COL22A1: variants seen among roughly 807,000 people sequenced by gnomAD.
The protein encoded by COL22A1 is collagen type XXII alpha 1 chain, also known as collagen alpha-1(XXII) chain.
COL22A1 carries 221 observed loss-of-function variants against 248.9 expected under a neutral mutation model. That is an observed-to-expected ratio of 0.89 (90% CI 0.80 to 0.99). The LOEUF is 0.99. Ranked by LOEUF, COL22A1 falls within the 50% of genes least tolerant of loss-of-function variation. The probability of loss-of-function intolerance (pLI) is 0.00; values close to 1 mark genes in which losing one functional copy is unlikely to be tolerated. For missense variants in COL22A1, 2,240 were observed against 2,179.0 expected (o/e 1.03, Z -0.56); for synonymous variants, 891 against 793.4 (o/e 1.12, Z -2.07).
chr8:138,610,314 G>A (rs1275454513), intron 56 of COL22A1, among the ~76,000 whole-genome samples: 1 of 152,196 alleles, frequency 6.6e-6, no homozygotes, highest in Non-Finnish European at 1.5e-5. Context: ...TTACCTCTGG[G>A]TGTCTGTAGA....
At position 138,724,674 on chromosome 8, in the gene COL22A1, A is replaced by G. The variant is rs1263909538; in HGVS notation, c.2194-6T>C. 4 of 1,613,880 alleles carry G rather than the reference A, an allele frequency of 2.5e-6. No homozygotes were observed. Among genetic ancestry groups the G allele is most frequent in the Non-Finnish European group, 8.5e-7 (1 of 1,179,832 alleles). On this transcript the variant is annotated splice_region_variant and splice_polypyrimidine_tract_variant and intron_variant, in intron 24 of 64. Transcript: ENST00000303045. The stretch of plus-strand genomic sequence containing the variant: ...CCGATCTCTCCAGGCAAACCCTGAA[A>G]GGGGACCACATGGACCCTGTTAGCC...
At chr8:138,752,313 T>C (rs1407755711) in intron 21 of COL22A1, among the ~76,000 whole-genome samples, 5 of 152,248 alleles carry the variant, frequency 3.3e-5, no homozygotes, top group Non-Finnish European at 5.9e-5. Flanking sequence ...AAATGCCCTC[T>C]CTGCATTTCA....
chr8:138,861,048 C>T (rs1033165142), intron 3 of COL22A1, among the ~76,000 whole-genome samples: 9 of 152,168 alleles, frequency 5.9e-5, no homozygotes, highest in African/African-American at 2.2e-4. Context: ...CTGCTGCCAT[C>T]ACCCCACTCC....
At chr8:138,712,067 A>G in intron 30 of COL22A1, among the ~76,000 whole-genome samples, 1 of 152,206 alleles carries the variant, frequency 6.6e-6, no homozygotes, top group East Asian at 1.9e-4. Context: ...AAGTCCCTAC[A>G]CAGACGGTGC....
chr8:138,776,083 T>C (rs1814431387), intron 15 of COL22A1, 73 bp from the exon 16 acceptor site: 1 of 1,475,774 alleles, frequency 6.8e-7, no homozygotes, highest in South Asian at 1.1e-5. Context: ...GGGGTGTCCA[T>C]GGAGAAACTG....
chr8:138,654,726 G>T (rs1441291453), intron 45 of COL22A1, among the ~76,000 whole-genome samples: 1 of 152,070 alleles, frequency 6.6e-6, no homozygotes, highest in Non-Finnish European at 1.5e-5. Context: ...CAACATTGAA[G>T]ACCCCAGGTC....
chr8:138,722,071 C>T lies in COL22A1; in HGVS notation c.2266G>A (p.Gly756Arg), dbSNP rs1038332194. Residue 756 changes from glycine to arginine, a missense_variant, in exon 26 of 65, where the codon GGG becomes AGG. By Grantham distance (125) the Gly-to-Arg change is moderately radical. Transcript: ENST00000303045. ...GGCGGACCTGGTGGTCCATTTGGCC[C>T]GTCCTTTCCAGGGGGTCCCTGGGCC... is the stretch of plus-strand genomic sequence containing the variant. Reference protein sequence around the residue: ...PGPTGPPGKDGPNGPPGPPGT... With the variant: ...PGPTGPPGKDRPNGPPGPPGT... The T allele has an allele frequency of 1.7e-5, 27 of 1,583,660 alleles. No individual in the cohort carries two copies. The highest frequency in any genetic ancestry group is 6.9e-5 in the South Asian group (6 of 86,484).
chr8:138,616,028 A>T lies in COL22A1; in HGVS notation c.3897T>A (p.Pro1299=). The part of the protein sequence containing the change: ...PRGESGAMGL[P]GQEGLPGKDG... Reference sequence around the variant, plus strand: ...CTTTTCCTGGTAACCCTTCCTGACCAGGAAGCCCCATGGCACCAGACTCTC... The same window carrying T: ...CTTTTCCTGGTAACCCTTCCTGACCTGGAAGCCCCATGGCACCAGACTCTC... Residue 1299 remains proline (P), a synonymous_variant, in exon 55 of 65, where the codon CCT becomes CCA. Coordinates refer to ENST00000303045, the MANE Select transcript of COL22A1 (RefSeq NM_152888.3). 6.2e-7 allele frequency: 1 copy of T among 1,613,664 alleles called. No homozygotes were observed.
At chr8:138,901,369 G>GTTTTTTTTTT (rs1396582556) in intron 1 of COL22A1, among the ~76,000 whole-genome samples, 3 of 118,770 alleles carry the variant, frequency 2.5e-5, no homozygotes, top group Non-Finnish European at 3.3e-5. Context: ...TTTTTTTTTT[G>GTTTTTTTTTT]TTTTTTTTTT....
intron 22 of COL22A1, among the ~76,000 whole-genome samples, chr8:138,742,108 G>T (rs1415970435): frequency 6.6e-6 from 1 of 150,612 alleles, no homozygotes; most frequent in African/African-American, 2.5e-5. Flanking sequence ...CCATGGTGAT[G>T]GTGATGGTGG....
At chr8:138,619,570 GCT>G in intron 52 of COL22A1, 62 bp from the exon 53 acceptor site, 1 of 1,499,370 alleles carries the variant, frequency 6.7e-7, no homozygotes, top group Non-Finnish European at 9.3e-7. Context: ...CCTATTCCTG[GCT>G]CTCTGTGTTT....
chr8:138,710,273 G>A lies in COL22A1; in HGVS notation c.2517+5409C>T, dbSNP rs564027940. Among the ~76,000 whole-genome samples, 2 of 152,310 alleles carry A rather than the reference G, an allele frequency of 1.3e-5. 1 individual carries two copies. Among genetic ancestry groups the A allele is most frequent in the South Asian group, 4.1e-4 (2 of 4,830 alleles). On this transcript the variant is annotated intron_variant, in intron 30 of 64. Transcript: ENST00000303045. ...AGACAGTCCATGGTGAGTGGATACA[G>A]TTTCCAAAGCCTGTCATTTCATGTG...
chr8:138,867,963 C>T (rs1251344160), intron 3 of COL22A1, among the ~76,000 whole-genome samples: 1 of 152,118 alleles, frequency 6.6e-6, no homozygotes, highest in Non-Finnish European at 1.5e-5. Context: ...CAGGGTTTCA[C>T]CATGTTGGTC....
At chr8:138,615,883 T>C (rs1452497706) in intron 55 of COL22A1, 118 bp downstream of exon 55, 10 of 717,524 alleles carry the variant, frequency 1.4e-5, no homozygotes, top group Non-Finnish European at 2.4e-5. Context: ...TGTGATGTCA[T>C]CTGTGTGCCT....
At chr8:138,641,104 TG>T (rs1401167793) in intron 47 of COL22A1, among the ~76,000 whole-genome samples, 1 of 152,216 alleles carries the variant, frequency 6.6e-6, no homozygotes, top group East Asian at 1.9e-4. Flanking sequence ...ACTGTTAAGG[TG>T]ATGCTTGGTG....
At chr8:138,856,152 A>G (rs1821990075) in intron 3 of COL22A1, among the ~76,000 whole-genome samples, 1 of 152,186 alleles carries the variant, frequency 6.6e-6, no homozygotes, top group South Asian at 2.1e-4. Context: ...AGGGCATGGC[A>G]ATTCTGCACC....
At chr8:138,660,867 A>G (rs62527895) in intron 43 of COL22A1, among the ~76,000 whole-genome samples, 1 of 131,122 alleles carries the variant, frequency 7.6e-6, no homozygotes, top group Non-Finnish European at 1.6e-5. Flanking sequence ...CAGACACACA[A>G]ACACACAGAC....
At chr8:138,655,150 C>T (rs1015654776) in intron 45 of COL22A1, among the ~76,000 whole-genome samples, 3 of 152,144 alleles carry the variant, frequency 2.0e-5, no homozygotes, top group Non-Finnish European at 4.4e-5. Flanking sequence ...TTCTTATATG[C>T]TGAATAACAC....
intron 41 of COL22A1, among the ~76,000 whole-genome samples, chr8:138,674,893 C>T (rs1452121918): frequency 2.0e-5 from 3 of 151,912 alleles, no homozygotes; most frequent in Non-Finnish European, 2.9e-5. Flanking sequence ...TGTGTTCTCT[C>T]GCTGCACTTA....
Sources: gnomAD v4.1 joint callset for allele counts (sites outside exome capture counted in the v4.1 genomes callset) on GRCh38, gnomAD v4.1.1 for gene constraint, MANE v1.5 for transcripts, NCBI Gene and HGNC (gene_info 2026-07-23, HGNC 2026-07-21) for gene names.